SNAP91: variants seen among roughly 807,000 people sequenced by gnomAD.
The protein encoded by SNAP91 is synaptosome associated protein 91, also known as clathrin coat assembly protein AP180.
Under a neutral mutation model 100.3 loss-of-function variants are expected in SNAP91, and 27 were observed. The observed-to-expected ratio is 0.27, with a 90% confidence interval of 0.20 to 0.37. The LOEUF is 0.37. SNAP91 is among the 10% of genes least tolerant of loss of function. The pLI is 1.00. For missense variants in SNAP91, 986 were observed against 1,123.7 expected (o/e 0.88, Z 1.75); for synonymous variants, 404 against 398.6 (o/e 1.01, Z -0.16).
chr6:83,602,350 C>CT, intron 14 of SNAP91, among the ~76,000 whole-genome samples: 1 of 152,058 alleles, frequency 6.6e-6, no homozygotes, highest in Non-Finnish European at 1.5e-5. Flanking sequence ...GTGTTGGTAC[C>CT]TATAACCCCC....
chr6:83,563,577 G>A (rs1372563870), intron 26 of SNAP91, among the ~76,000 whole-genome samples: 1 of 152,116 alleles, frequency 6.6e-6, no homozygotes, highest in Non-Finnish European at 1.5e-5. Flanking sequence ...ATTCATCGAT[G>A]GCACAATCTT....
At chr6:83,651,442 T>C (rs2098199825) in intron 7 of SNAP91, among the ~76,000 whole-genome samples, 1 of 152,222 alleles carries the variant, frequency 6.6e-6, no homozygotes, top group Admixed American at 6.5e-5. Flanking sequence ...ATAAGGTGTA[T>C]TTTCAGCATC....
At chr6:83,707,732 C>G in intron 2 of SNAP91, 66 bp downstream of exon 2, 1 of 1,591,226 alleles carries the variant, frequency 6.3e-7, no homozygotes, top group East Asian at 2.3e-5. Flanking sequence ...AGAGCGCAGG[C>G]CGCACCACCA....
intron 2 of SNAP91, among the ~76,000 whole-genome samples, chr6:83,672,872 C>T (rs1287204237): frequency 6.6e-6 from 1 of 152,074 alleles, no homozygotes; most frequent in Non-Finnish European, 1.5e-5. Context: ...AAATCTCTCC[C>T]TAAGTTTAAT....
chr6:83,664,846 A>G (rs2128762594), intron 3 of SNAP91, among the ~76,000 whole-genome samples: 1 of 152,234 alleles, frequency 6.6e-6, no homozygotes, highest in Non-Finnish European at 1.5e-5. Flanking sequence ...AGGAAGAGTC[A>G]ATTGATGTGG....
intron 8 of SNAP91, among the ~76,000 whole-genome samples, chr6:83,627,978 T>A (rs539515553): frequency 1.3e-5 from 2 of 151,614 alleles, no homozygotes; most frequent in Non-Finnish European, 2.9e-5. Context: ...ACTGCACCTG[T>A]ATTTGGAGTC....
At chr6:83,605,922 A>G in intron 13 of SNAP91, 119 bp from the exon 14 acceptor site, 1 of 908,436 alleles carries the variant, frequency 1.1e-6, no homozygotes, top group African/African-American at 1.7e-5. Flanking sequence ...CAATAAAAGA[A>G]TAATACTTTG....
chr6:83,658,878 A>G (rs2098469514), intron 6 of SNAP91, 121 bp downstream of exon 6: 1 of 707,092 alleles, frequency 1.4e-6, no homozygotes, highest in Non-Finnish European at 2.3e-6. Context: ...TGAACTAAGT[A>G]TTCATCTAAA....
At chr6:83,559,828 A>G (rs1784349489) in intron 28 of SNAP91, among the ~76,000 whole-genome samples, 1 of 152,230 alleles carries the variant, frequency 6.6e-6, no homozygotes, top group Non-Finnish European at 1.5e-5. Context: ...TCTCTGGGAC[A>G]CATGCCTTGG....
chr6:83,635,920 C>G (rs2097423477), intron 8 of SNAP91, among the ~76,000 whole-genome samples: 1 of 152,170 alleles, frequency 6.6e-6, no homozygotes, highest in African/African-American at 2.4e-5. Context: ...ATTTCACTTT[C>G]ACTTATGAAG....
chr6:83,645,844 T>A (rs2097897068), intron 7 of SNAP91, among the ~76,000 whole-genome samples: 1 of 152,142 alleles, frequency 6.6e-6, no homozygotes, highest in African/African-American at 2.4e-5. Context: ...GAATAAGACC[T>A]CCACTAAACA....
intron 14 of SNAP91, among the ~76,000 whole-genome samples, chr6:83,605,140 T>G (rs1218186916): frequency 7.4e-6 from 1 of 134,832 alleles, no homozygotes; most frequent in Non-Finnish European, 1.6e-5. Context: ...TGCTTAGATG[T>G]GATTCCTCTC....
Position 83,661,601 on chromosome 6 carries a change from T to C in SNAP91, c.353A>G (p.Tyr118Cys), listed in dbSNP as rs2098544216. The C allele has an allele frequency of 2.6e-6, 4 of 1,562,812 alleles. No individual in the cohort carries two copies. The highest frequency in any genetic ancestry group is 1.4e-5 in the African/African-American group (1 of 73,240). ...GCGCCTTATGAAGGTAGACATATCA[T>C]AACCTGGGAGAGTGGAAAGAAGAAA... The part of the protein sequence containing the change: ...NFLDKSGSHG[Y>C]DMSTFIRRYS... The change falls in exon 5 of 30, where the codon TAT (tyrosine) becomes TGT (cysteine). Residue 118 changes from tyrosine (Y) to cysteine (C), a missense_variant. Physicochemically the swap from Tyr to Cys is radical, Grantham distance 194 (BLOSUM62 -2). Coordinates refer to ENST00000369694, the MANE Select transcript of SNAP91 (RefSeq NM_001242792.2).
At chr6:83,592,875 G>C (rs981039577) in intron 20 of SNAP91, 71 bp downstream of exon 20, 4 of 1,159,970 alleles carry the variant, frequency 3.4e-6, no homozygotes, top group African/African-American at 3.1e-5. Flanking sequence ...AAACCCACAT[G>C]TTATATCCTT....
chr6:83,677,862 C>T (rs1321916820), intron 2 of SNAP91, among the ~76,000 whole-genome samples: 1 of 152,138 alleles, frequency 6.6e-6, no homozygotes, highest in East Asian at 1.9e-4. Context: ...AAACACAGAT[C>T]ATTCTATAGA....
At chr6:83,563,016 C>T (rs1197901548) in intron 26 of SNAP91, among the ~76,000 whole-genome samples, 1 of 152,158 alleles carries the variant, frequency 6.6e-6, no homozygotes, top group African/African-American at 2.4e-5. Flanking sequence ...AACTTCTTTG[C>T]AGGTCAAGTT....
chr6:83,654,387 A>T (rs2098328899), intron 7 of SNAP91, among the ~76,000 whole-genome samples: 1 of 152,184 alleles, frequency 6.6e-6, no homozygotes, highest in South Asian at 2.1e-4. Context: ...TTTTTAGGAC[A>T]TATTGGTGAC....
At chr6:83,628,088 T>A (rs977933842) in intron 8 of SNAP91, among the ~76,000 whole-genome samples, 1 of 151,812 alleles carries the variant, frequency 6.6e-6, no homozygotes, top group African/African-American at 2.4e-5. Context: ...CTCCCACTTA[T>A]AAGTGAGAAC....
chr6:83,658,926 T>G (rs2098470562), intron 6 of SNAP91, 73 bp downstream of exon 6: 2 of 1,134,654 alleles, frequency 1.8e-6, no homozygotes, highest in Non-Finnish European at 1.3e-6. Context: ...AATCTTTGGA[T>G]TTACCTGTAG....
Sources: gnomAD v4.1 joint callset for allele counts (sites outside exome capture counted in the v4.1 genomes callset) on GRCh38, gnomAD v4.1.1 for gene constraint, MANE v1.5 for transcripts, NCBI Gene and HGNC (gene_info 2026-07-23, HGNC 2026-07-21) for gene names.